The following STPG2 variants were observed in gnomAD, a reference collection of about 807,000 sequenced individuals.
STPG2 encodes the protein sperm-tail PG-rich repeat-containing protein 2.
Under a neutral mutation model 54.2 loss-of-function variants are expected in STPG2, and 56 were observed. That is an observed-to-expected ratio of 1.03 (90% CI 0.83 to 1.29). STPG2 has a LOEUF of 1.29. Ranked by LOEUF, STPG2 falls within the 50% of genes most tolerant of loss-of-function variation. The pLI is 0.00. For synonymous variants in STPG2, 200 were observed against 181.8 expected (o/e 1.10, Z -0.81); for missense variants, 596 against 544.9 (o/e 1.09, Z -0.93).
At chr4:97,910,414 T>C (rs1392010686) in intron 8 of STPG2, among the ~76,000 whole-genome samples, 2 of 152,202 alleles carry the variant, frequency 1.3e-5, no homozygotes, top group Non-Finnish European at 2.9e-5. Context: ...AAAATCAATA[T>C]AGCAAAAGCT....
chr4:97,868,890 G>A (rs145534569), intron 8 of STPG2, among the ~76,000 whole-genome samples: 86 of 151,830 alleles, frequency 5.7e-4, no homozygotes, highest in Admixed American at 2.4e-3. Context: ...TACATTTTTT[G>A]TTATAATTTA....
rs111965873 is a variant in STPG2 at position 97,857,150 on chromosome 4, T to C, written c.1045-16218A>G. Among the ~76,000 whole-genome samples the C allele has an allele frequency of 5.7e-3, 864 of 152,312 alleles. 5 individuals carry two copies. Among genetic ancestry groups the C allele is most frequent in the Middle Eastern group, 0.02 (6 of 294 alleles). On this transcript the variant is annotated intron_variant, in intron 8 of 10. Transcript: ENST00000295268. ...CTCTTGTATCTCTGCTATGTTTTGA[T>C]ATCAGGATGGTTCTGGCCTCAAAGA...
At chr4:97,658,485 T>C (rs1239803642) in intron 10 of STPG2, among the ~76,000 whole-genome samples, 3 of 152,132 alleles carry the variant, frequency 2.0e-5, no homozygotes, top group Non-Finnish European at 4.4e-5. Flanking sequence ...GAAGGACCAA[T>C]ACCTAGAAAT....
intron 5 of STPG2, among the ~76,000 whole-genome samples, chr4:97,982,325 C>T (rs553557090): frequency 1.3e-5 from 2 of 151,614 alleles, no homozygotes; most frequent in African/African-American, 4.8e-5. Flanking sequence ...TCTTTGCCAA[C>T]TCTATCTCTG....
intron 5 of STPG2, among the ~76,000 whole-genome samples, chr4:98,037,334 C>T (rs1736808817): frequency 1.3e-5 from 2 of 151,996 alleles, no homozygotes; most frequent in Middle Eastern, 3.2e-3. Flanking sequence ...TATTCACATA[C>T]TTTATGACCC....
intron 3 of STPG2, among the ~76,000 whole-genome samples, chr4:98,112,188 T>C (rs1739383907): frequency 6.6e-6 from 1 of 152,132 alleles, no homozygotes; most frequent in Admixed American, 6.6e-5. Flanking sequence ...TATATGACAA[T>C]GGACCAGATA....
At chr4:98,052,691 AAT>A (rs1009347397) in intron 5 of STPG2, among the ~76,000 whole-genome samples, 3 of 152,236 alleles carry the variant, frequency 2.0e-5, no homozygotes, top group Non-Finnish European at 2.9e-5. Context: ...AACAGAAGCA[AAT>A]GTTTGGTGAC....
At chr4:97,680,936 T>G (rs1235041953) in intron 10 of STPG2, among the ~76,000 whole-genome samples, 1 of 152,054 alleles carries the variant, frequency 6.6e-6, no homozygotes, top group Non-Finnish European at 1.5e-5. Flanking sequence ...AATAGGAATT[T>G]GACTTTAATG....
At chr4:97,956,271 A>T (rs1733669966) in intron 7 of STPG2, among the ~76,000 whole-genome samples, 1 of 152,130 alleles carries the variant, frequency 6.6e-6, no homozygotes, top group Admixed American at 6.5e-5. Context: ...GGCAAAAACT[A>T]AAAGAATAGT....
chr4:97,898,555 A>G (rs1731048588), intron 8 of STPG2, among the ~76,000 whole-genome samples: 6 of 151,714 alleles, frequency 4.0e-5, no homozygotes, highest in Admixed American at 3.9e-4. Flanking sequence ...GAAAATATCA[A>G]TATCTCGAAT....
At chr4:98,128,342 TGGAGAAA>T in intron 3 of STPG2, 79 bp downstream of exon 3, 2 of 1,229,292 alleles carry the variant, frequency 1.6e-6, no homozygotes, top group Non-Finnish European at 2.2e-6. Flanking sequence ...ATTTTTTTCT[TGGAGAAA>T]TAAGCCAGGA....
intron 9 of STPG2, 104 bp from the exon 10 acceptor site, chr4:97,712,918 T>G (rs1299251988): frequency 1.5e-6 from 1 of 677,620 alleles, no homozygotes; most frequent in Non-Finnish European, 2.3e-6. Context: ...AAAATTAGCA[T>G]GAAACAATCT....
chr4:97,876,695 T>C (rs1044053458), intron 8 of STPG2, among the ~76,000 whole-genome samples: 2 of 152,064 alleles, frequency 1.3e-5, no homozygotes, highest in African/African-American at 4.8e-5. Flanking sequence ...TTTTTTTAAT[T>C]ATTTAAAAGA....
chr4:97,910,383 A>G (rs1731632165), intron 8 of STPG2, among the ~76,000 whole-genome samples: 5 of 152,256 alleles, frequency 3.3e-5, no homozygotes, highest in Admixed American at 2.6e-4. Flanking sequence ...ATATACTCCC[A>G]AAAGACTCAT....
At chr4:98,102,305 C>CTACT (rs1293565167) in intron 5 of STPG2, among the ~76,000 whole-genome samples, 1 of 152,136 alleles carries the variant, frequency 6.6e-6, no homozygotes, top group East Asian at 1.9e-4. Flanking sequence ...CCACATCCAG[C>CTACT]TACTGTCTGC....
At chr4:97,736,329 T>C (rs1387397086) in intron 9 of STPG2, among the ~76,000 whole-genome samples, 1 of 152,130 alleles carries the variant, frequency 6.6e-6, no homozygotes, top group Non-Finnish European at 1.5e-5. Flanking sequence ...ACCAGGTTCA[T>C]CTCACTAGGG....
At chr4:97,947,315 G>C (rs1282680737) in intron 7 of STPG2, among the ~76,000 whole-genome samples, 1 of 152,028 alleles carries the variant, frequency 6.6e-6, no homozygotes, top group African/African-American at 2.4e-5. Context: ...GAAATCTCTA[G>C]GGTTTTCTAT....
At chr4:97,998,847 T>C (rs1171667712) in intron 5 of STPG2, among the ~76,000 whole-genome samples, 2 of 152,132 alleles carry the variant, frequency 1.3e-5, no homozygotes, top group African/African-American at 4.8e-5. Context: ...GCTCCCTGAT[T>C]CTGTGGTGTT....
chr4:97,442,887 C>T lies in STPG2; in HGVS notation c.463-255054G>A, dbSNP rs572702813. ...TTATAGAATTATGAGTAAATAGTTACATGGCAGGATACCTCATGTCTAGGA... is the reference window on the plus strand; with the variant it reads ...TTATAGAATTATGAGTAAATAGTTATATGGCAGGATACCTCATGTCTAGGA... On this transcript the variant is annotated intron_variant, in intron 4 of 4. Coordinates refer to the STPG2 transcript ENST00000522676. Among the ~76,000 whole-genome samples, 20 of 152,140 alleles carry T rather than the reference C, an allele frequency of 1.3e-4. No individual in the cohort carries two copies. The East Asian group carries it at 2.1e-3, about 16-fold the overall frequency.
Sources: gnomAD v4.1 joint callset for allele counts (sites outside exome capture counted in the v4.1 genomes callset) on GRCh38, gnomAD v4.1.1 for gene constraint, MANE v1.5 for transcripts, NCBI Gene and HGNC (gene_info 2026-07-23, HGNC 2026-07-21) for gene names.